The following GFRAL variants were observed in gnomAD, a reference collection of about 807,000 sequenced individuals.
GFRAL encodes the protein GDNF family receptor alpha-like.
A neutral mutation model predicts 45.4 loss-of-function variants in GFRAL; 36 were observed. That is an observed-to-expected ratio of 0.79 (90% CI 0.61 to 1.05). GFRAL has a LOEUF of 1.05. Ranked by LOEUF, GFRAL falls within the 50% of genes least tolerant of loss-of-function variation. The pLI is 0.00. For synonymous variants in GFRAL, 166 were observed against 154.1 expected (o/e 1.08, Z -0.57); for missense variants, 507 against 467.5 (o/e 1.08, Z -0.78).
At chr6:55,332,333 A>C (rs1767841074) in intron 2 of GFRAL, among the ~76,000 whole-genome samples, 1 of 152,146 alleles carries the variant, frequency 6.6e-6, no homozygotes, top group Non-Finnish European at 1.5e-5. Context: ...TTTTGTTTTT[A>C]ACTTGGCCTA....
At chr6:55,378,157 A>G (rs1160095144) in intron 6 of GFRAL, among the ~76,000 whole-genome samples, 1 of 152,004 alleles carries the variant, frequency 6.6e-6, no homozygotes, top group African/African-American at 2.4e-5. Flanking sequence ...AGTGGCAGAA[A>G]AGTACTGGGA....
chr6:55,340,270 G>C (rs1415559171), intron 3 of GFRAL, among the ~76,000 whole-genome samples: 6 of 152,086 alleles, frequency 3.9e-5, no homozygotes, highest in Admixed American at 1.3e-4. Flanking sequence ...TCCATGCTTT[G>C]CATTCCCAAA....
At chr6:55,330,055 T>C (rs1237442906) in intron 1 of GFRAL, among the ~76,000 whole-genome samples, 1 of 152,156 alleles carries the variant, frequency 6.6e-6, no homozygotes, top group East Asian at 1.9e-4. Flanking sequence ...TTGATTTGGC[T>C]AGTGTCACTT....
rs77858413 is a variant in GFRAL at position 55,384,054 on chromosome 6, T to A, written c.953-15126T>A. 3.9e-3 allele frequency among the ~76,000 whole-genome samples: 588 copies of A among 152,102 alleles called. 2 individuals are homozygous for A. The highest frequency in any genetic ancestry group is 8.3e-3 in the Admixed American group (127 of 15,240). On this transcript the variant is annotated intron_variant, in intron 6 of 8. Coordinates refer to ENST00000340465, the MANE Select transcript of GFRAL (RefSeq NM_207410.2). ...TCAATGGAACAAAAGATCTCACTCATAAGTGAGAGTTGAACAATGAGAACA... is the reference window on the plus strand; with the variant it reads ...TCAATGGAACAAAAGATCTCACTCAAAAGTGAGAGTTGAACAATGAGAACA...
chr6:55,332,649 C>G (rs566001125), intron 2 of GFRAL, among the ~76,000 whole-genome samples: 2 of 152,202 alleles, frequency 1.3e-5, no homozygotes, highest in South Asian at 4.1e-4. Context: ...GTCTCAATTT[C>G]TTGGCCTCGT....
In GFRAL at chr6:55,351,163, T is replaced by G. The variant is rs1024901436; in HGVS notation, c.371-90T>G. The G allele has an allele frequency of 1.0e-5, 9 of 878,510 alleles. No homozygotes were observed. In the Middle Eastern group the frequency reaches 9.2e-4, roughly 89 times the overall value. 54.4% of individuals were successfully genotyped at this position (878,510 alleles called of 1,614,324 possible). On this transcript the variant is annotated intron_variant, in intron 4 of 8. Transcript: ENST00000340465. ...AGGACATTGGTACATCATTGTATTT[T>G]GCTCATAGACTTCTCACAGTGTTTT...
intron 6 of GFRAL, among the ~76,000 whole-genome samples, chr6:55,365,897 TTC>T (rs1768355294): frequency 6.8e-6 from 1 of 146,778 alleles, no homozygotes; most frequent in African/African-American, 2.6e-5. Flanking sequence ...TGGTCTAAAA[TTC>T]TCTTTTTTTG....
At chr6:55,367,750 A>C (rs1768385325) in intron 6 of GFRAL, among the ~76,000 whole-genome samples, 1 of 151,314 alleles carries the variant, frequency 6.6e-6, no homozygotes, top group Non-Finnish European at 1.5e-5. Flanking sequence ...TCTTTTCTTT[A>C]AGAATGTTGA....
rs150951260 is a variant in GFRAL at position 55,382,307 on chromosome 6, G to T, written c.953-16873G>T. On this transcript the variant is annotated intron_variant, in intron 6 of 8. Transcript: ENST00000340465. ...TATTATTTGCATTGTTTTGAATTCT[G>T]TAGAGAACAGGCATATGTGTTTTAA... is the stretch of plus-strand genomic sequence containing the variant. Among the ~76,000 whole-genome samples, 584 of 151,906 alleles carry T rather than the reference G, an allele frequency of 3.8e-3. 4 individuals are homozygous for T. The highest frequency in any genetic ancestry group is 0.014 in the African/African-American group (569 of 41,494).
At chr6:55,389,496 GTA>G (rs1238488867) in intron 6 of GFRAL, among the ~76,000 whole-genome samples, 1 of 152,058 alleles carries the variant, frequency 6.6e-6, no homozygotes, top group African/African-American at 2.4e-5. Context: ...AGCTCCTGTT[GTA>G]TGTTTACCCT....
intron 5 of GFRAL, among the ~76,000 whole-genome samples, chr6:55,352,873 T>C (rs971667896): frequency 5.3e-5 from 8 of 152,088 alleles, no homozygotes; most frequent in Admixed American, 4.6e-4. Context: ...CACCTACTAC[T>C]ACTCTAGGCA....
At chr6:55,344,176 TA>T (rs376834640) in intron 3 of GFRAL, among the ~76,000 whole-genome samples, 1,984 of 152,310 alleles carry the variant, frequency 0.013, 24 homozygotes, top group Non-Finnish European at 0.022. Context: ...GAATGCTCCC[TA>T]ACTCATTTTA....
At chr6:55,383,832 C>T (rs564210062) in intron 6 of GFRAL, among the ~76,000 whole-genome samples, 1 of 152,060 alleles carries the variant, frequency 6.6e-6, no homozygotes, top group South Asian at 2.1e-4. Flanking sequence ...GCTGAAATTG[C>T]TTGTCCAGGT....
At chr6:55,344,511 C>T (rs1004783612) in intron 3 of GFRAL, among the ~76,000 whole-genome samples, 2 of 152,168 alleles carry the variant, frequency 1.3e-5, no homozygotes, top group South Asian at 4.1e-4. Flanking sequence ...TAAAAACTCT[C>T]AATAAATTAG....
At chr6:55,334,871 T>A (rs1767872566) in intron 3 of GFRAL, among the ~76,000 whole-genome samples, 1 of 152,224 alleles carries the variant, frequency 6.6e-6, no homozygotes, top group South Asian at 2.1e-4. Context: ...TGTAAGTTTA[T>A]TTTTCTTGAA....
intron 6 of GFRAL, among the ~76,000 whole-genome samples, chr6:55,371,262 T>C (rs757791594): frequency 7.2e-5 from 11 of 152,224 alleles, no homozygotes; most frequent in Admixed American, 2.0e-4. Flanking sequence ...CTCTTCATGG[T>C]TGAACTATAG....
intron 3 of GFRAL, among the ~76,000 whole-genome samples, chr6:55,348,331 G>A (rs767624208): frequency 6.6e-6 from 1 of 151,920 alleles, no homozygotes; most frequent in Non-Finnish European, 1.5e-5. Context: ...TAATGTATAA[G>A]TATTAAAATG....
intron 6 of GFRAL, among the ~76,000 whole-genome samples, chr6:55,395,219 A>T (rs6920676): frequency 6.8e-6 from 1 of 146,292 alleles, no homozygotes; most frequent in Admixed American, 6.8e-5. Flanking sequence ...AATTTTACAC[A>T]TTTTCCAAAG....
intron 6 of GFRAL, among the ~76,000 whole-genome samples, chr6:55,365,139 T>TGAA (rs1028557964): frequency 6.6e-6 from 1 of 151,374 alleles, no homozygotes; most frequent in African/African-American, 2.4e-5. Context: ...TAGTTCTCCT[T>TGAA]GAAGAGGTCC....
Sources: gnomAD v4.1 joint callset for allele counts (sites outside exome capture counted in the v4.1 genomes callset) on GRCh38, gnomAD v4.1.1 for gene constraint, MANE v1.5 for transcripts, NCBI Gene and HGNC (gene_info 2026-07-23, HGNC 2026-07-21) for gene names.